Variants in BANK1 observed in about 807,000 individuals in gnomAD.
BANK1 encodes the protein B-cell scaffold protein with ankyrin repeats.
BANK1 carries 95 observed loss-of-function variants against 94.5 expected under a neutral mutation model. The observed-to-expected ratio is 1.00, with a 90% CI of 0.85 to 1.19. The LOEUF (loss-of-function observed/expected upper bound fraction) is 1.19. Among genes scored for constraint, BANK1 ranks in the 50% most tolerant of loss-of-function variants. BANK1 has a pLI of 0.00. For missense variants in BANK1, 987 were observed against 932.2 expected (o/e 1.06, Z -0.77); for synonymous variants, 334 against 308.4 (o/e 1.08, Z -0.87).
At chr4:102,069,703 T>TACA (rs546812827) in intron 13 of BANK1, among the ~76,000 whole-genome samples, 267 of 152,364 alleles carry the variant, frequency 1.8e-3, no homozygotes, top group Non-Finnish European at 3.2e-3. Flanking sequence ...ACTGGGTTAT[T>TACA]ACAACAAATG....
At chr4:101,961,792 T>G (rs369988453) in intron 7 of BANK1, among the ~76,000 whole-genome samples, 3 of 152,314 alleles carry the variant, frequency 2.0e-5, no homozygotes, top group East Asian at 3.9e-4. Context: ...TAAAATATTG[T>G]CATCCTTTGC....
intron 6 of BANK1, 49 bp downstream of exon 6, chr4:101,895,459 C>A: frequency 9.0e-7 from 1 of 1,108,032 alleles, no homozygotes; most frequent in Non-Finnish European, 1.3e-6. Flanking sequence ...ACATTCCATT[C>A]TATGTAACTC....
intron 11 of BANK1, among the ~76,000 whole-genome samples, chr4:102,053,077 C>T (rs902063828): frequency 1.6e-4 from 24 of 152,078 alleles, no homozygotes; most frequent in Non-Finnish European, 2.8e-4. Flanking sequence ...AAATCAGTGA[C>T]GTAGAGAACA....
intron 6 of BANK1, among the ~76,000 whole-genome samples, chr4:101,908,297 A>C (rs1200032185): frequency 2.5e-4 from 38 of 152,184 alleles, no homozygotes; most frequent in East Asian, 5.8e-4. Flanking sequence ...CAAAAACAAG[A>C]AATGGGGAAA....
chr4:101,833,494 T>G (rs556011023), intron 2 of BANK1, among the ~76,000 whole-genome samples: 1 of 152,356 alleles, frequency 6.6e-6, no homozygotes, highest in South Asian at 2.1e-4. Flanking sequence ...GTCTGCTTTT[T>G]AGAACCAAAC....
chr4:102,007,057 A>AATATATAATTTTATATATAT (rs1553940586), intron 7 of BANK1, among the ~76,000 whole-genome samples: 41 of 117,816 alleles, frequency 3.5e-4, no homozygotes, highest in Admixed American at 1.3e-3. Context: ...ATATATATAA[A>AATATATAATTTTATATATAT]ATATATAATT....
At position 102,043,903 on chromosome 4, in the gene BANK1, A is replaced by G; in HGVS notation, c.1965A>G (p.Lys655=). 6.3e-7 allele frequency: 1 copy of G among 1,581,588 alleles called. No individual in the cohort carries two copies. Among genetic ancestry groups the G allele is most frequent in the Non-Finnish European group, 8.7e-7 (1 of 1,152,376 alleles). The change falls in exon 11 of 17, where the codon AAA becomes AAG. Residue 655 remains lysine, a synonymous_variant. Transcript: ENST00000322953. ...DDDKFCGLPK[K]QDRARIESPA... is the part of the protein sequence containing the mutation. ...ACAAGTTCTGTGGTCTTCCTAAGAA[A>G]CAAGGTACTAACACTAACTTCAATC... is the stretch of plus-strand genomic sequence containing the variant.
intron 5 of BANK1, among the ~76,000 whole-genome samples, chr4:101,881,621 T>A (rs1183537837): frequency 1.3e-5 from 2 of 152,170 alleles, no homozygotes; most frequent in African/African-American, 2.4e-5. Context: ...CACTCCCATG[T>A]TTGTTGCAGC....
At position 101,849,035 on chromosome 4, in the gene BANK1, C is replaced by T. The variant is rs75995895; in HGVS notation, c.470-6000C>T. Among the ~76,000 whole-genome samples the T allele has an allele frequency of 4.8e-3, 732 of 152,294 alleles. 14 individuals carry two copies. In the East Asian group the frequency reaches 0.058, roughly 12 times the overall value. ...GCTCTTACTTCCCTGCACTTAGCCC[C>T]CTTGTACTTTACTTAAGCCTATCAC... On this transcript the variant is annotated intron_variant, in intron 2 of 16. Coordinates refer to ENST00000322953, the MANE Select transcript of BANK1 (RefSeq NM_017935.5).
At chr4:102,051,793 G>A (rs144745266) in intron 11 of BANK1, among the ~76,000 whole-genome samples, 69 of 152,252 alleles carry the variant, frequency 4.5e-4, no homozygotes, top group Non-Finnish European at 8.4e-4. Flanking sequence ...GAAAGTGGGG[G>A]TAGGAGGGTA....
At chr4:101,798,732 T>A (rs151019001) in intron 1 of BANK1, among the ~76,000 whole-genome samples, 3,100 of 152,330 alleles carry the variant, frequency 0.02, 119 homozygotes, top group African/African-American at 0.072. Flanking sequence ...CATTTTTTCA[T>A]GTGTCTGTTG....
chr4:102,009,629 T>C (rs1176776620), intron 7 of BANK1, among the ~76,000 whole-genome samples: 1 of 152,334 alleles, frequency 6.6e-6, no homozygotes, highest in South Asian at 2.1e-4. Flanking sequence ...CACTAAAAGA[T>C]ACTAGCTGTA....
chr4:101,948,496 G>A (rs983835984), intron 7 of BANK1, among the ~76,000 whole-genome samples: 15 of 152,038 alleles, frequency 9.9e-5, no homozygotes, highest in African/African-American at 3.4e-4. Flanking sequence ...GGCAAAGAAG[G>A]GAGTTATTTA....
Position 101,855,064 on chromosome 4 carries a change from C to T in BANK1, c.499C>T (p.Pro167Ser), listed in dbSNP as rs779584310. ...DSEDYFEVNI[P>S]TDLRAKHSGE... ...TGAAGACTACTTTGAGGTCAACATT[C>T]CAACAGACCTACGAGCAAAACATTC... Residue 167 changes from proline to serine, a missense_variant, in exon 3 of 17, where the codon CCA becomes TCA. Coordinates refer to ENST00000322953, the MANE Select transcript of BANK1 (RefSeq NM_017935.5). 3.1e-6 allele frequency: 5 copies of T among 1,612,206 alleles called. No homozygotes were observed. Among genetic ancestry groups the T allele is most frequent in the Non-Finnish European group, 4.2e-6 (5 of 1,178,752 alleles).
At chr4:101,996,529 T>C (rs1299090772) in intron 7 of BANK1, among the ~76,000 whole-genome samples, 1 of 152,212 alleles carries the variant, frequency 6.6e-6, no homozygotes, top group East Asian at 1.9e-4. Context: ...AGTATGACCA[T>C]TTTCATTATA....
At chr4:101,989,515 TTAATC>T (rs1025475559) in intron 7 of BANK1, among the ~76,000 whole-genome samples, 1 of 151,656 alleles carries the variant, frequency 6.6e-6, no homozygotes, top group African/African-American at 2.4e-5. Context: ...CTATTATTAA[TTAATC>T]TAAAGAACTT....
chr4:101,978,316 C>T (rs574985520), intron 7 of BANK1, among the ~76,000 whole-genome samples: 2 of 152,048 alleles, frequency 1.3e-5, no homozygotes, highest in East Asian at 3.9e-4. Context: ...AATGGGGAAA[C>T]TGAAACCTGA....
At chr4:101,957,861 T>C (rs1275701050) in intron 7 of BANK1, among the ~76,000 whole-genome samples, 3 of 148,184 alleles carry the variant, frequency 2.0e-5, no homozygotes, top group Non-Finnish European at 1.5e-5. Flanking sequence ...TTTTTTTTTT[T>C]TGAGACGGAG....
Position 102,043,798 on chromosome 4 carries a change from C to T in BANK1, c.1901-41C>T, listed in dbSNP as rs182512189. 1.2e-4 allele frequency: 161 copies of T among 1,355,390 alleles called. 1 individual carries two copies. Among genetic ancestry groups the T allele is most frequent in the South Asian group, 1.1e-3 (80 of 73,420 alleles). The allele number at this position is 1,355,390 out of a possible 1,614,324, so 84.0% of individuals were successfully genotyped here. A position where few individuals can be genotyped will look rare whatever the true frequency, so the allele number is the denominator to read the frequency against. ...ACTTCTACAGTATGGATTTTTTGAA[C>T]GTTTATGTTCAGTAAATAATATGTT... On this transcript the variant is annotated intron_variant, in intron 10 of 16. Coordinates refer to ENST00000322953, the MANE Select transcript of BANK1 (RefSeq NM_017935.5).
Sources: gnomAD v4.1 joint callset for allele counts (sites outside exome capture counted in the v4.1 genomes callset) on GRCh38, gnomAD v4.1.1 for gene constraint, MANE v1.5 for transcripts, NCBI Gene and HGNC (gene_info 2026-07-23, HGNC 2026-07-21) for gene names.